The following AP3B1 variants were observed in gnomAD, a reference collection of about 807,000 sequenced individuals.
AP3B1 encodes adaptor related protein complex 3 subunit beta 1.
AP3B1 carries 61 observed loss-of-function variants against 132.5 expected under a neutral mutation model. The observed-to-expected ratio is 0.46, with a 90% CI of 0.37 to 0.57. The LOEUF is 0.57. Among genes scored for constraint, AP3B1 ranks in the 20% least tolerant of loss-of-function variants. The pLI is 0.00. For missense variants in AP3B1, 1,120 were observed against 1,289.4 expected, an observed-to-expected ratio of 0.87 and a Z score of 2.01; for synonymous variants, 388 against 438.3, an observed-to-expected ratio of 0.89 and a Z score of 1.43.
rs1346731596 is a variant in AP3B1 at position 78,113,638 on chromosome 5, A to G, written c.2249+114T>C. ...AATTTTAAAAAGATTTAATATCTGG[A>G]AAAAAATACACACTTTTTTTCTCTC... On this transcript the variant is annotated intron_variant, in intron 19 of 26. Coordinates refer to ENST00000255194, the MANE Select transcript of AP3B1 (RefSeq NM_003664.5). The G allele has an allele frequency of 6.6e-6, 8 of 1,214,316 alleles. No individual in the cohort carries two copies. In the Admixed American group the frequency reaches 7.7e-5, roughly 12 times the overall value. 75.2% of individuals were successfully genotyped at this position (1,214,316 alleles called of 1,614,324 possible).
Position 78,192,761 on chromosome 5 carries a change from G to T in AP3B1, c.787-11099C>A, listed in dbSNP as rs115128275. 1.9e-3 allele frequency among the ~76,000 whole-genome samples: 293 copies of T among 152,284 alleles called. 1 individual carries two copies. The highest frequency in any genetic ancestry group is 6.8e-3 in the African/African-American group (281 of 41,564). ...GGAACTCTCATAAATGGAATTAGTG[G>T]CATTACAAAATGAACCTCAGAGAGC... On this transcript the variant is annotated intron_variant, in intron 7 of 26. Coordinates refer to ENST00000255194, the MANE Select transcript of AP3B1 (RefSeq NM_003664.5).
chr5:78,176,921 T>G (rs540977368), intron 9 of AP3B1, among the ~76,000 whole-genome samples: 1 of 152,322 alleles, frequency 6.6e-6, no homozygotes, highest in Admixed American at 6.5e-5. Context: ...ACTACATTAC[T>G]TAGCATACAC....
At chr5:78,021,223 TGAA>T (rs1048815760) in intron 24 of AP3B1, among the ~76,000 whole-genome samples, 14 of 152,172 alleles carry the variant, frequency 9.2e-5, no homozygotes, top group African/African-American at 2.4e-4. Flanking sequence ...TAGTTTTAAA[TGAA>T]GAAGAAAATA....
chr5:78,293,084 G>A (rs1749603587), intron 1 of AP3B1, among the ~76,000 whole-genome samples: 1 of 151,996 alleles, frequency 6.6e-6, no homozygotes, highest in Non-Finnish European at 1.5e-5. Flanking sequence ...TCACCATGTT[G>A]GCCAGGCTGG....
Position 78,086,399 on chromosome 5 carries a change from C to T in AP3B1, c.2577+2994G>A, listed in dbSNP as rs142272596. Among the ~76,000 whole-genome samples the T allele has an allele frequency of 4.3e-4, 66 of 152,206 alleles. 1 individual carries two copies. In the East Asian group the frequency reaches 9.1e-3, roughly 21 times the overall value. On this transcript the variant is annotated intron_variant, in intron 22 of 26. Coordinates refer to ENST00000255194, the MANE Select transcript of AP3B1 (RefSeq NM_003664.5). ...TTTCATGTTTGTTAATCATTTAATA[C>T]CAACAACAATCCTATGAGGTAGGTA...
chr5:78,041,410 T>C (rs938817938), intron 22 of AP3B1, among the ~76,000 whole-genome samples: 21 of 151,640 alleles, frequency 1.4e-4, no homozygotes, highest in African/African-American at 4.8e-4. Context: ...ATGTAAAAAA[T>C]TAGCTGGGTG....
At chr5:78,205,151 A>ACT (rs1451403853) in intron 7 of AP3B1, among the ~76,000 whole-genome samples, 4 of 152,168 alleles carry the variant, frequency 2.6e-5, no homozygotes, top group African/African-American at 9.7e-5. Flanking sequence ...ATAAAAGTTC[A>ACT]CTAACAATAT....
At chr5:78,161,101 G>C (rs1228560126) in intron 13 of AP3B1, among the ~76,000 whole-genome samples, 1 of 151,832 alleles carries the variant, frequency 6.6e-6, no homozygotes, top group Non-Finnish European at 1.5e-5. Context: ...TACTTTTAGA[G>C]AGGAAGTATG....
In AP3B1 at chr5:78,213,839, T is replaced by A. The variant is rs528340832; in HGVS notation, c.786+2216A>T. Among the ~76,000 whole-genome samples, 7 of 152,360 alleles carry A rather than the reference T, an allele frequency of 4.6e-5. No homozygotes were observed. In the East Asian group the frequency reaches 1.3e-3, roughly 29 times the overall value. On this transcript the variant is annotated intron_variant, in intron 7 of 26. Transcript: ENST00000255194. ...ATAGGAATCAAATTAGCTAAACTTA[T>A]AAATCTTCTATTTAAAGTGGTTTTC...
chr5:78,120,847 T>C (rs1201909688), intron 17 of AP3B1, among the ~76,000 whole-genome samples: 2 of 152,182 alleles, frequency 1.3e-5, no homozygotes, highest in East Asian at 1.9e-4. Context: ...GCAGACCTAA[T>C]AGACATCTAC....
chr5:78,287,750 TAA>T (rs58180674), intron 1 of AP3B1, among the ~76,000 whole-genome samples: 2,354 of 131,708 alleles, frequency 0.018, 53 homozygotes, highest in African/African-American at 0.059. Context: ...GTACCCCTTG[TAA>T]AAAAAAAAAA....
chr5:78,157,776 G>C (rs1213027372), intron 13 of AP3B1, among the ~76,000 whole-genome samples: 1 of 151,602 alleles, frequency 6.6e-6, no homozygotes, highest in Admixed American at 6.6e-5. Context: ...TTGAGACAGA[G>C]TCTTGTTCTG....
In AP3B1 at chr5:78,110,665, C is replaced by T. The variant is rs186047750; in HGVS notation, c.2250-311G>A. Among the ~76,000 whole-genome samples, 7 of 150,932 alleles carry T rather than the reference C, an allele frequency of 4.6e-5. No individual in the cohort carries two copies. The East Asian group carries it at 1.2e-3, about 25-fold the overall frequency. On this transcript the variant is annotated intron_variant, in intron 19 of 26. Coordinates refer to ENST00000255194, the MANE Select transcript of AP3B1 (RefSeq NM_003664.5). ...ATATTTAGGCTGATTTTTTAAAACG[C>T]TATCTCAAAATACTGTGCCTGTGTG...
chr5:78,012,234 G>C (rs1472738882), intron 26 of AP3B1, among the ~76,000 whole-genome samples: 1 of 151,684 alleles, frequency 6.6e-6, no homozygotes, highest in Non-Finnish European at 1.5e-5. Context: ...GAACACTATA[G>C]TTAAAAACAT....
intron 1 of AP3B1, among the ~76,000 whole-genome samples, chr5:78,277,867 C>T (rs756004980): frequency 2.0e-5 from 3 of 152,194 alleles, no homozygotes; most frequent in Non-Finnish European, 2.9e-5. Context: ...TCTTCCATGT[C>T]TTCATATCAT....
At chr5:78,223,015 G>GTTTCTCT in intron 6 of AP3B1, among the ~76,000 whole-genome samples, 1 of 116,148 alleles carries the variant, frequency 8.6e-6, no homozygotes, top group Non-Finnish European at 1.9e-5. Flanking sequence ...TTTTTTGTTT[G>GTTTCTCT]TTTGTTTGTT....
chr5:78,143,733 G>A (rs1261665967), intron 14 of AP3B1, among the ~76,000 whole-genome samples: 2 of 152,126 alleles, frequency 1.3e-5, no homozygotes, highest in East Asian at 3.8e-4. Flanking sequence ...CTTTTTAGAG[G>A]CCAGGCACAG....
rs1226476554 is a variant in AP3B1 at position 78,162,880 on chromosome 5, G to A, written c.1302C>T (p.Asn434=). The change falls in exon 13 of 27, where the codon AAC becomes AAT. Residue 434 remains asparagine (N), a synonymous_variant. Coordinates refer to ENST00000255194, the MANE Select transcript of AP3B1 (RefSeq NM_003664.5). ...TIQTIGRCAT[N]ILEVTDTCLN... ...GGCACGTGTCAGTGACTTCCAAGAT[G>A]TTGGTTGCACATCTGCCTATAGTCT... The A allele has an allele frequency of 1.2e-6, 2 of 1,613,946 alleles. No homozygotes were observed. Among genetic ancestry groups the A allele is most frequent in the Non-Finnish European group, 1.7e-6 (2 of 1,179,830 alleles).
At chr5:78,186,343 T>C (rs1200955029) in intron 7 of AP3B1, among the ~76,000 whole-genome samples, 1 of 152,216 alleles carries the variant, frequency 6.6e-6, no homozygotes, top group Non-Finnish European at 1.5e-5. Context: ...GAAGGTTATA[T>C]ACCATATAAT....
Sources: allele counts gnomAD v4.1 joint callset (sites outside exome capture counted in the v4.1 genomes callset), GRCh38; gene constraint gnomAD v4.1.1; transcripts MANE v1.5; gene names NCBI Gene and HGNC (gene_info 2026-07-23, HGNC 2026-07-21).